TESC: variants seen among roughly 807,000 people sequenced by gnomAD.
TESC encodes tescalcin.
A neutral mutation model predicts 31.0 loss-of-function variants in TESC; 19 were observed. The ratio of observed to expected loss-of-function variants is 0.61; its 90% CI spans 0.43 to 0.90. The LOEUF is 0.90. TESC is among the 40% of genes least tolerant of loss of function. TESC has a pLI of 0.00. For synonymous variants in TESC, 109 were observed against 114.8 expected, an observed-to-expected ratio of 0.95 and a Z score of 0.32; for missense variants, 248 against 303.8, an observed-to-expected ratio of 0.82 and a Z score of 1.36.
At chr12:117,095,405 C>T (rs1250050756) in intron 1 of TESC, among the ~76,000 whole-genome samples, 2 of 152,122 alleles carry the variant, frequency 1.3e-5, no homozygotes, top group Non-Finnish European at 2.9e-5. Context: ...CAGAGAAAGG[C>T]TCCCGTACGT....
chr12:117,042,222 T>C (rs1295847148), intron 6 of TESC, among the ~76,000 whole-genome samples: 1 of 152,144 alleles, frequency 6.6e-6, no homozygotes, highest in Non-Finnish European at 1.5e-5. Flanking sequence ...GAGGGTGGGA[T>C]GGGAGCCGAG....
At chr12:117,094,379 G>A (rs1260837343) in intron 1 of TESC, among the ~76,000 whole-genome samples, 1 of 152,108 alleles carries the variant, frequency 6.6e-6, no homozygotes, top group Non-Finnish European at 1.5e-5. Context: ...GGTGGCACTG[G>A]GTTTTCCAGT....
At chr12:117,099,092 G>C (rs1955436687) in intron 1 of TESC, 133 bp downstream of exon 1, 1 of 960,640 alleles carries the variant, frequency 1.0e-6, no homozygotes, top group Admixed American at 4.1e-5. Flanking sequence ...ATTTGAAAGA[G>C]GAGGAGACTG....
intron 1 of TESC, among the ~76,000 whole-genome samples, chr12:117,095,169 G>C (rs1033207149): frequency 1.6e-4 from 24 of 152,020 alleles, no homozygotes; most frequent in African/African-American, 5.3e-4. Flanking sequence ...CCGCCACCCA[G>C]GTTCAAGCGA....
intron 1 of TESC, among the ~76,000 whole-genome samples, chr12:117,076,646 G>T (rs543888580): frequency 3.9e-5 from 6 of 152,256 alleles, no homozygotes; most frequent in African/African-American, 1.4e-4. Context: ...GTTTCGCCAC[G>T]CTGGCCAGGC....
At chr12:117,078,934 C>T (rs987714164) in intron 1 of TESC, among the ~76,000 whole-genome samples, 3 of 152,262 alleles carry the variant, frequency 2.0e-5, no homozygotes, top group Middle Eastern at 3.4e-3. Flanking sequence ...ATTAATAAGT[C>T]ATTCACTGGC....
chr12:117,051,191 A>C (rs1954642748), intron 3 of TESC, among the ~76,000 whole-genome samples: 2 of 152,126 alleles, frequency 1.3e-5, no homozygotes, highest in Admixed American at 1.3e-4. Flanking sequence ...GCACGACTGC[A>C]CCTCCATGTA....
At position 117,056,689 on chromosome 12, in the gene TESC, G is replaced by C; in HGVS notation, c.209+117C>G. Reference sequence around the variant, plus strand: ...AACCTATGCTCATAACCCCTACCCAGCTTGGCCCCCTCTTCTGGGCATCAG... The same window carrying C: ...AACCTATGCTCATAACCCCTACCCACCTTGGCCCCCTCTTCTGGGCATCAG... On this transcript the variant is annotated intron_variant, in intron 3 of 7. Coordinates refer to ENST00000335209, the MANE Select transcript of TESC (RefSeq NM_017899.4). 2.7e-6 allele frequency: 3 copies of C among 1,119,524 alleles called. No homozygotes were observed. In the Admixed American group the frequency reaches 5.5e-5, roughly 21 times the overall value. The allele number at this position is 1,119,524 out of a possible 1,614,324, so 69.3% of individuals were successfully genotyped here.
At chr12:117,048,711 T>C in intron 4 of TESC, 2 of 537,114 alleles carry the variant, frequency 3.7e-6, no homozygotes, top group South Asian at 3.1e-5. Flanking sequence ...CAAGGTCACA[T>C]GGCTGGTGAG....
chr12:117,078,329 G>A (rs186968004), intron 1 of TESC, among the ~76,000 whole-genome samples: 8 of 152,260 alleles, frequency 5.3e-5, no homozygotes, highest in Admixed American at 3.3e-4. Context: ...AGCCAGGCAT[G>A]GTGGTAGGTA....
rs1265957613 is a variant in TESC, at chr12:117,075,913, A to ATATATATATATATATATATATATGTGTG, written c.59-574_59-573insCACACATATATATATATATATATATATA. Among the ~76,000 whole-genome samples, 78 of 51,944 alleles carry ATATATATATATATATATATATATGTGTG rather than the reference A, an allele frequency of 1.5e-3. 3 individuals are homozygous for ATATATATATATATATATATATATGTGTG. Among genetic ancestry groups the ATATATATATATATATATATATATGTGTG allele is most frequent in the East Asian group, 2.3e-3 (5 of 2,140 alleles). The allele number at this position is 51,944 out of a possible 152,430, so 34.1% of individuals were successfully genotyped here. A position where few individuals can be genotyped will look rare whatever the true frequency, so the allele number is the denominator to read the frequency against. ...TATATATATATATATATATATATAT[A>ATATATATATATATATATATATATGTGTG]TGTGTGTGTGTATATATATATATAT... On this transcript the variant is annotated intron_variant, in intron 1 of 7. Transcript: ENST00000335209.
At chr12:117,078,515 C>G (rs140931825) in intron 1 of TESC, among the ~76,000 whole-genome samples, 1 of 151,874 alleles carries the variant, frequency 6.6e-6, no homozygotes, top group East Asian at 1.9e-4. Context: ...GTATGTTTAG[C>G]CAATTTTTGT....
At chr12:117,075,379 A>G in intron 1 of TESC, 39 bp from the exon 2 acceptor site, 1 of 1,598,024 alleles carries the variant, frequency 6.3e-7, no homozygotes. Context: ...AAGACAGAAA[A>G]AAAAATCACT....
At chr12:117,057,128 G>A (rs941706572) in intron 2 of TESC, among the ~76,000 whole-genome samples, 1 of 152,062 alleles carries the variant, frequency 6.6e-6, no homozygotes, top group Non-Finnish European at 1.5e-5. Flanking sequence ...TTGAGATAGA[G>A]TCTCACTGTC....
At chr12:117,086,436 CT>C (rs1042613808) in intron 1 of TESC, among the ~76,000 whole-genome samples, 1 of 151,182 alleles carries the variant, frequency 6.6e-6, no homozygotes, top group African/African-American at 2.4e-5. Context: ...ACAATGTTAA[CT>C]TTTTTTTGAG....
intron 2 of TESC, among the ~76,000 whole-genome samples, chr12:117,067,839 T>C (rs1255772235): frequency 6.6e-6 from 1 of 152,244 alleles, no homozygotes. Context: ...GCCCAGCGTC[T>C]GGCACATGTT....
At chr12:117,075,923 G>GTATATATATATA (rs1214809145) in intron 1 of TESC, among the ~76,000 whole-genome samples, 2 of 68,708 alleles carry the variant, frequency 2.9e-5, no homozygotes, top group African/African-American at 7.4e-5. Flanking sequence ...ATGTGTGTGT[G>GTATATATATATA]TATATATATA....
At position 117,048,933 on chromosome 12, in the gene TESC, T is replaced by C. The variant is rs544696175; in HGVS notation, c.349+86A>G. On this transcript the variant is annotated intron_variant, in intron 4 of 7. Transcript: ENST00000335209. ...CCAAGCCAATGCACACCCAGCCTCC[T>C]GCTGCAGAGGCGCCTTGCGTTCTGA... 6.3e-6 allele frequency: 10 copies of C among 1,595,540 alleles called. No individual in the cohort carries two copies. In the African/African-American group the frequency reaches 9.4e-5, roughly 15 times the overall value.
At position 117,090,947 on chromosome 12, in the gene TESC, C is replaced by T. The variant is rs554996854; in HGVS notation, c.58+8278G>A. Among the ~76,000 whole-genome samples, 8 of 152,290 alleles carry T rather than the reference C, an allele frequency of 5.3e-5. No homozygotes were observed. The South Asian group carries it at 1.2e-3, about 24-fold the overall frequency. Reference sequence around the variant, plus strand: ...GCCCCCCTTTGAGGACTGCTGTCTCCGGCCTGGCCACCTGCCCTCCTCCTG... The same window carrying T: ...GCCCCCCTTTGAGGACTGCTGTCTCTGGCCTGGCCACCTGCCCTCCTCCTG... On this transcript the variant is annotated intron_variant, in intron 1 of 7. Coordinates refer to ENST00000335209, the MANE Select transcript of TESC (RefSeq NM_017899.4).
Sources: allele counts gnomAD v4.1 joint callset (sites outside exome capture counted in the v4.1 genomes callset), GRCh38; gene constraint gnomAD v4.1.1; transcripts MANE v1.5; gene names NCBI Gene and HGNC (gene_info 2026-07-23, HGNC 2026-07-21).